Variants in DLEC1 observed in about 807,000 individuals in gnomAD.
The protein encoded by DLEC1 is DLEC1 cilia and flagella associated protein.
A neutral mutation model predicts 198.1 loss-of-function variants in DLEC1; 146 were observed. The observed-to-expected ratio is 0.74, with a 90% confidence interval of 0.64 to 0.85. DLEC1 has a LOEUF of 0.85. Among genes scored for constraint, DLEC1 ranks in the 40% least tolerant of loss-of-function variants. The pLI is 0.00. For synonymous variants in DLEC1, 897 were observed against 866.8 expected (o/e 1.03, Z -0.61); for missense variants, 2,233 against 2,220.0 (o/e 1.01, Z -0.12).
Position 38,086,270 on chromosome 3 carries a change from C to T in DLEC1, c.1465C>T (p.Leu489Phe), listed in dbSNP as rs941286978. The T allele has an allele frequency of 8.7e-6, 14 of 1,612,436 alleles. No individual in the cohort carries two copies. Among genetic ancestry groups the T allele is most frequent in the Middle Eastern group, 3.3e-4 (2 of 6,070 alleles). ...LSPVLDCGYC[L>F]IGGVKMTRFI... ...ACCGGTGTTGGACTGTGGTTACTGCCTCATTGGGGGAGTCAAGATGACCAG... is the reference window on the plus strand; with the variant it reads ...ACCGGTGTTGGACTGTGGTTACTGCTTCATTGGGGGAGTCAAGATGACCAG... The change falls in exon 9 of 37, where the codon CTC becomes TTC. Residue 489 changes from leucine (L) to phenylalanine (F), a missense_variant. Physicochemically the swap from Leu to Phe is conservative, Grantham distance 22. Transcript: ENST00000308059.
intron 23 of DLEC1, among the ~76,000 whole-genome samples, chr3:38,110,627 G>A (rs1047127335): frequency 6.6e-6 from 1 of 152,326 alleles, no homozygotes; most frequent in East Asian, 1.9e-4. Flanking sequence ...GAATAGTTCA[G>A]GAGTAGGGAG....
chr3:38,064,063 G>A lies in DLEC1; in HGVS notation c.1173+144G>A, dbSNP rs1163913774. Reference sequence around the variant, plus strand: ...CATTCTTGGGTGTTTCTCGGAGAGGGGGATTTGGCAGGGTCTAGGACAATA... The same window carrying A: ...CATTCTTGGGTGTTTCTCGGAGAGGAGGATTTGGCAGGGTCTAGGACAATA... On this transcript the variant is annotated intron_variant, in intron 6 of 36. Coordinates refer to ENST00000308059, the MANE Select transcript of DLEC1 (RefSeq NM_007335.4). 5.1e-6 allele frequency: 3 copies of A among 589,864 alleles called. No homozygotes were observed. The Admixed American group carries it at 1.0e-4, about 20-fold the overall frequency. 36.5% of individuals were successfully genotyped at this position (589,864 alleles called of 1,614,324 possible).
At chr3:38,091,742 T>C (rs1698755569) in intron 10 of DLEC1, among the ~76,000 whole-genome samples, 1 of 151,742 alleles carries the variant, frequency 6.6e-6, no homozygotes, top group Non-Finnish European at 1.5e-5. Context: ...GGTCAATGAG[T>C]ATATGAAAAC....
chr3:38,067,487 A>G (rs1035906997), intron 6 of DLEC1, among the ~76,000 whole-genome samples: 1 of 152,276 alleles, frequency 6.6e-6, no homozygotes. Context: ...TCATGCTTAC[A>G]AATTCTTTGG....
In DLEC1 at chr3:38,095,963, C is replaced by T; in HGVS notation, c.2171+17C>T. 6.2e-7 allele frequency: 1 copy of T among 1,613,110 alleles called. No homozygotes were observed. Among genetic ancestry groups the T allele is most frequent in the Non-Finnish European group, 8.5e-7 (1 of 1,179,862 alleles). ...GCCTGTAAGGTGAGAGAAACTGGGC[C>T]CTGGATGAGAAGTGGGCAGCTGGGC... On this transcript the variant is annotated intron_variant, in intron 14 of 36. Coordinates refer to ENST00000308059, the MANE Select transcript of DLEC1 (RefSeq NM_007335.4).
chr3:38,082,768 G>A (rs976638461), intron 6 of DLEC1, among the ~76,000 whole-genome samples: 1 of 151,300 alleles, frequency 6.6e-6, no homozygotes, highest in African/African-American at 2.4e-5. Context: ...AGAAGGGGTT[G>A]GGGTACTTGC....
At position 38,093,830 on chromosome 3, in the gene DLEC1, C is replaced by T. The variant is rs372030121; in HGVS notation, c.1919+63C>T. 2.6e-5 allele frequency: 41 copies of T among 1,588,944 alleles called. 1 individual carries two copies. In the South Asian group the frequency reaches 4.5e-4, roughly 18 times the overall value. ...TCTTCTTGCTTACCTGGCCCTCAGT[C>T]CCAGTGAGACAGGAGGTCCTTCCAA... On this transcript the variant is annotated intron_variant, in intron 12 of 36. Transcript: ENST00000308059.
intron 2 of DLEC1, among the ~76,000 whole-genome samples, chr3:38,056,091 ACACACACACACACACACACACACAC>A (rs1696350963): frequency 6.6e-6 from 1 of 150,708 alleles, no homozygotes; most frequent in East Asian, 2.0e-4. Flanking sequence ...ACACACACAC[ACACACACACACACACACACACACAC>A]AAATAGCTGA....
chr3:38,085,310 G>A lies in DLEC1; in HGVS notation c.1298G>A (p.Gly433Glu). Residue 433 changes from glycine to glutamate, a missense_variant, in exon 8 of 37, where the codon GGA becomes GAA. Physicochemically the swap from Gly to Glu is moderately conservative, Grantham distance 98. Transcript: ENST00000308059. ...FPGKGGMVAPGMTCQYIVQFF... is the reference protein window; with the variant it reads ...FPGKGGMVAPEMTCQYIVQFF... Reference sequence around the variant, plus strand: ...GGAAAAGGTGGAATGGTGGCTCCTGGAATGACCTGCCAGTACATTGTCCAG... The same window carrying A: ...GGAAAAGGTGGAATGGTGGCTCCTGAAATGACCTGCCAGTACATTGTCCAG... 6.2e-7 allele frequency: 1 copy of A among 1,614,122 alleles called. No homozygotes were observed. Among genetic ancestry groups the A allele is most frequent in the Non-Finnish European group, 8.5e-7 (1 of 1,180,010 alleles).
At chr3:38,039,688 C>A in intron 1 of DLEC1, 52 bp downstream of exon 1, 1 of 1,538,848 alleles carries the variant, frequency 6.5e-7, no homozygotes, top group Non-Finnish European at 8.8e-7. Flanking sequence ...TCTCAGCGCT[C>A]GGCACGCGTC....
intron 1 of DLEC1, 94 bp downstream of exon 1, chr3:38,039,730 G>C (rs1700566346): frequency 6.8e-7 from 1 of 1,471,038 alleles, no homozygotes; most frequent in African/African-American, 1.4e-5. Context: ...GCTGTTCCAG[G>C]ATCTGGGGCT....
At position 38,121,718 on chromosome 3, in the gene DLEC1, C is replaced by A. The variant is rs775441826; in HGVS notation, c.4957C>A (p.Arg1653=). 1 of 1,614,062 alleles carries A rather than the reference C, an allele frequency of 6.2e-7. No homozygotes were observed. Among genetic ancestry groups the A allele is most frequent in the East Asian group, 2.2e-5 (1 of 44,872 alleles). ...DFGTCFVSQQ[R]VREVYLMNLS... is the part of the protein sequence containing the mutation. Reference sequence around the variant, plus strand: ...TGGGACCTGCTTTGTGAGCCAGCAGCGAGTCCGGGAGGTCTACCTGATGAA... The same window carrying A: ...TGGGACCTGCTTTGTGAGCCAGCAGAGAGTCCGGGAGGTCTACCTGATGAA... Residue 1653 remains arginine, a synonymous_variant, in exon 35 of 37, where the codon CGA becomes AGA. Transcript: ENST00000308059.
rs1162598029 is a variant in DLEC1 at position 38,097,243 on chromosome 3, T to G, written c.2402T>G (p.Ile801Ser). The G allele has an allele frequency of 2.5e-6, 4 of 1,586,684 alleles. No individual in the cohort carries two copies. The highest frequency in any genetic ancestry group is 3.4e-6 in the Non-Finnish European group (4 of 1,165,170). Residue 801 changes from isoleucine to serine, a missense_variant, in exon 16 of 37, where the codon ATC becomes AGC. By Grantham distance (142) the Ile-to-Ser change is moderately radical. Coordinates refer to ENST00000308059, the MANE Select transcript of DLEC1 (RefSeq NM_007335.4). ...YLWGKISDCHIIEVEPGTGVI... is the reference protein window; with the variant it reads ...YLWGKISDCHSIEVEPGTGVI... ...TGGGGGAAGATCAGCGACTGCCACA[T>G]CATTGAAGTGGAGCCCGGCACAGGG...
chr3:38,072,667 G>A (rs1697386229), intron 6 of DLEC1, among the ~76,000 whole-genome samples: 2 of 152,202 alleles, frequency 1.3e-5, no homozygotes, highest in East Asian at 1.9e-4. Context: ...GCAAAACCAG[G>A]TATCTAAAGG....
At chr3:38,084,370 T>G in intron 7 of DLEC1, 125 bp downstream of exon 7, 1 of 810,062 alleles carries the variant, frequency 1.2e-6, no homozygotes, top group South Asian at 1.6e-5. Context: ...GTAGTAGTAG[T>G]AGTGATGGTG....
chr3:38,081,653 G>T (rs1430149958), intron 6 of DLEC1, among the ~76,000 whole-genome samples: 13 of 92,442 alleles, frequency 1.4e-4, no homozygotes, highest in Admixed American at 3.0e-4. Context: ...GGGGCGGCTG[G>T]CCGGGTGGGG....
At chr3:38,062,102 G>A in intron 3 of DLEC1, 67 bp from the exon 4 acceptor site, 6 of 1,547,768 alleles carry the variant, frequency 3.9e-6, no homozygotes, top group Non-Finnish European at 5.3e-6. Flanking sequence ...GTTTTATTTG[G>A]TCATCTTAGG....
chr3:38,111,921 G>A lies in DLEC1; in HGVS notation c.3514+174G>A, dbSNP rs149211344. 5.9e-3 allele frequency among the ~76,000 whole-genome samples: 902 copies of A among 152,292 alleles called. 9 individuals are homozygous for A. Among genetic ancestry groups the A allele is most frequent in the African/African-American group, 0.019 (791 of 41,560 alleles). ...TCCTGTTGAGGCCACTTCCCTTCTAGGGCACAGGCTCATGCACAGGGCCTG... is the reference window on the plus strand; with the variant it reads ...TCCTGTTGAGGCCACTTCCCTTCTAAGGCACAGGCTCATGCACAGGGCCTG... On this transcript the variant is annotated intron_variant, in intron 24 of 36. Coordinates refer to ENST00000308059, the MANE Select transcript of DLEC1 (RefSeq NM_007335.4).
At chr3:38,077,692 C>T (rs1208384438) in intron 6 of DLEC1, among the ~76,000 whole-genome samples, 1 of 151,944 alleles carries the variant, frequency 6.6e-6, no homozygotes, top group East Asian at 1.9e-4. Flanking sequence ...CTTCTCAGAC[C>T]CTGTAGGAAA....
Sources: gnomAD v4.1 joint callset for allele counts (sites outside exome capture counted in the v4.1 genomes callset) on GRCh38, gnomAD v4.1.1 for gene constraint, MANE v1.5 for transcripts, NCBI Gene and HGNC (gene_info 2026-07-23, HGNC 2026-07-21) for gene names.